PIK3CA: variants seen among roughly 807,000 people sequenced by gnomAD.
The protein encoded by PIK3CA is phosphatidylinositol-4,5-bisphosphate 3-kinase catalytic subunit alpha.
A neutral mutation model predicts 138.2 loss-of-function variants in PIK3CA; 27 were observed. That is an observed-to-expected ratio of 0.20 (90% CI 0.14 to 0.27). The LOEUF (loss-of-function observed/expected upper bound fraction) is 0.27. Ranked by LOEUF, PIK3CA falls within the 10% of genes least tolerant of loss-of-function variation. PIK3CA has a pLI of 1.00. For synonymous variants in PIK3CA, 358 were observed against 413.2 expected (o/e 0.87, Z 1.62); for missense variants, 544 against 1,277.4 (o/e 0.43, Z 8.75).
chr3:179,191,169 A>G (rs1215739003), intron 1 of PIK3CA, among the ~76,000 whole-genome samples: 1 of 152,214 alleles, frequency 6.6e-6, no homozygotes, highest in East Asian at 1.9e-4. Flanking sequence ...AGACAGAGGT[A>G]CAGGGGAATG....
chr3:179,219,529 C>G lies in PIK3CA; in HGVS notation c.1747-42C>G. On this transcript the variant is annotated intron_variant, in intron 11 of 20. Transcript: ENST00000263967. The surrounding 1 kb of genome is among the most constrained non-coding windows in gnomAD (Gnocchi z 4.2). ...TTTTAGATGGCTCATTCACAACTATCTTTCCCCTTTAAATATGATTTATTG... is the reference window on the plus strand; with the variant it reads ...TTTTAGATGGCTCATTCACAACTATGTTTCCCCTTTAAATATGATTTATTG... The G allele has an allele frequency of 3.1e-6, 3 of 975,224 alleles. No individual in the cohort carries two copies. Among genetic ancestry groups the G allele is most frequent in the East Asian group, 2.5e-5 (1 of 40,736 alleles). The allele number at this position is 975,224 out of a possible 1,614,324, so 60.4% of individuals were successfully genotyped here.
chr3:179,173,975 G>A (rs1395378390), intron 1 of PIK3CA, among the ~76,000 whole-genome samples: 6 of 151,652 alleles, frequency 4.0e-5, no homozygotes, highest in South Asian at 2.1e-4. Flanking sequence ...TGATCCACCC[G>A]CCTCGGCCTC....
Position 179,230,897 on chromosome 3 carries a change from G to C in PIK3CA, c.2936+521G>C, listed in dbSNP as rs1725195160. Among the ~76,000 whole-genome samples the C allele has an allele frequency of 6.6e-6, 1 of 152,136 alleles. No individual in the cohort carries two copies. Among genetic ancestry groups the C allele is most frequent in the Admixed American group, 6.5e-5 (1 of 15,272 alleles). On this transcript the variant is annotated intron_variant, in intron 20 of 20. Transcript: ENST00000263967. This position sits in a 1 kb window ranked among gnomAD's most constrained non-coding sequence, Gnocchi z 5.4. ...CATGGATGAATTAAATAGTGGTAAAGTCTGAGATTTTAGCGCACCTGTAAC... is the reference window on the plus strand; with the variant it reads ...CATGGATGAATTAAATAGTGGTAAACTCTGAGATTTTAGCGCACCTGTAAC...
chr3:179,166,177 G>T (rs1723414500), intron 1 of PIK3CA, among the ~76,000 whole-genome samples: 1 of 152,182 alleles, frequency 6.6e-6, no homozygotes, highest in Non-Finnish European at 1.5e-5. Context: ...CCCATTTTCA[G>T]TGAGGAAAAT....
chr3:179,240,092 TAC>T (rs1296650151), exon 21 of PIK3CA: 1 of 1,462,442 alleles, frequency 6.8e-7, no homozygotes, highest in East Asian at 2.5e-5. Context: ...AAAGAAAAAT[TAC>T]TTTTTGTGTC....
At chr3:179,211,712 A>G (rs187160731) in intron 9 of PIK3CA, among the ~76,000 whole-genome samples, 42 of 152,322 alleles carry the variant, frequency 2.8e-4, no homozygotes, top group Non-Finnish European at 5.3e-4. Flanking sequence ...GATCATCTCT[A>G]CATGAGTACT....
rs2108416831 is a variant in PIK3CA, at chr3:179,224,140, G to A, written c.2247G>A (p.Gln749=). 1.2e-6 allele frequency: 2 copies of A among 1,603,628 alleles called. No individual in the cohort carries two copies. Among genetic ancestry groups the A allele is most frequent in the South Asian group, 2.2e-5 (2 of 89,822 alleles). ...GACCAGATTTCATGGATGCTCTACA[G>A]GGCTTTCTGTCTCCTCTAAACCCTG... ...MRRPDFMDAL[Q]GFLSPLNPAH... The change falls in exon 15 of 21, where the codon CAG becomes CAA. Residue 749 remains glutamine, a synonymous_variant. Coordinates refer to ENST00000263967, the MANE Select transcript of PIK3CA (RefSeq NM_006218.4).
intron 1 of PIK3CA, among the ~76,000 whole-genome samples, chr3:179,164,044 G>A (rs996205809): frequency 6.6e-6 from 1 of 152,034 alleles, no homozygotes; most frequent in Admixed American, 6.5e-5. Flanking sequence ...AACATCTCCC[G>A]TGGAAATAGG....
At chr3:179,191,280 TAAAG>T (rs1473019396) in intron 1 of PIK3CA, among the ~76,000 whole-genome samples, 2 of 152,142 alleles carry the variant, frequency 1.3e-5, no homozygotes, top group Non-Finnish European at 1.5e-5. Flanking sequence ...CATGAGCAAA[TAAAG>T]AGATGTAACT....
At chr3:179,192,466 T>G (rs897768197) in intron 1 of PIK3CA, among the ~76,000 whole-genome samples, 2 of 152,236 alleles carry the variant, frequency 1.3e-5, no homozygotes, top group African/African-American at 4.8e-5. Context: ...AGATTTTAAC[T>G]TAAGGGCTTA....
chr3:179,204,047 G>A (rs1025912550), intron 5 of PIK3CA, among the ~76,000 whole-genome samples: 1 of 152,012 alleles, frequency 6.6e-6, no homozygotes, highest in Non-Finnish European at 1.5e-5. Flanking sequence ...TACAGAATTC[G>A]TTTGGCAGAA....
Position 179,198,725 on chromosome 3 carries a change from CAT to C in PIK3CA, c.-76-22_-76-21del, listed in dbSNP as rs538096802. 1.5e-4 allele frequency: 91 copies of C among 605,010 alleles called. No individual in the cohort carries two copies. The African/African-American group carries it at 1.5e-3, about 10-fold the overall frequency. 37.5% of individuals were successfully genotyped at this position (605,010 alleles called of 1,614,324 possible). ...TCTTCTGTAGTTGTGTCTCTTTTAA[CAT>C]ATGTTTTCCTTCTTTGATTTAGGTT... On this transcript the variant is annotated intron_variant, in intron 1 of 20. Coordinates refer to ENST00000263967, the MANE Select transcript of PIK3CA (RefSeq NM_006218.4).
intron 1 of PIK3CA, among the ~76,000 whole-genome samples, chr3:179,182,795 T>C (rs1723882392): frequency 6.6e-6 from 1 of 152,224 alleles, no homozygotes; most frequent in African/African-American, 2.4e-5. Context: ...ATTTCCAAGA[T>C]ACTTGGTACA....
At chr3:179,149,015 G>A (rs1199442937) in intron 1 of PIK3CA, among the ~76,000 whole-genome samples, 2 of 152,102 alleles carry the variant, frequency 1.3e-5, no homozygotes, top group African/African-American at 2.4e-5. Context: ...CAAGGGACGC[G>A]GGCGCGAAAC....
At chr3:179,209,035 A>G (rs1724640664) in intron 6 of PIK3CA, among the ~76,000 whole-genome samples, 1 of 147,882 alleles carries the variant, frequency 6.8e-6, no homozygotes, top group Non-Finnish European at 1.5e-5. Flanking sequence ...AGTATATTAT[A>G]TAATATATAT....
intron 1 of PIK3CA, among the ~76,000 whole-genome samples, chr3:179,182,602 T>C (rs1560131314): frequency 6.6e-6 from 1 of 151,968 alleles, no homozygotes; most frequent in African/African-American, 2.4e-5. Context: ...GAGCCTGGGG[T>C]TGGGGCTGTA....
intron 1 of PIK3CA, among the ~76,000 whole-genome samples, chr3:179,193,049 G>A (rs1724175768): frequency 1.3e-5 from 2 of 152,174 alleles, no homozygotes; most frequent in Non-Finnish European, 1.5e-5. Context: ...ACTTAACGTT[G>A]TTCTTAAAGG....
At chr3:179,226,908 T>C (rs1725095702) in intron 17 of PIK3CA, among the ~76,000 whole-genome samples, 1 of 152,100 alleles carries the variant, frequency 6.6e-6, no homozygotes, top group Admixed American at 6.6e-5. Flanking sequence ...CAAAAATGGT[T>C]AATGTTATAT....
Position 179,236,810 on chromosome 3 carries a change from A to G in PIK3CA, c.*2446A>G, listed in dbSNP as rs1426214554. 9.4e-6 allele frequency: 2 copies of G among 212,920 alleles called. No individual in the cohort carries two copies. The highest frequency in any genetic ancestry group is 4.5e-5 in the African/African-American group (2 of 44,244). 13.2% of individuals were successfully genotyped at this position (212,920 alleles called of 1,614,324 possible). On this transcript the variant is annotated 3_prime_UTR_variant, in exon 21 of 21. Transcript: ENST00000263967. ...GTGACCTAAGAAAGAAATGAGGCAA[A>G]GAACCAAACATTGAATTAAATGCTA...
Sources: allele counts gnomAD v4.1 joint callset (sites outside exome capture counted in the v4.1 genomes callset), GRCh38; gene constraint gnomAD v4.1.1; non-coding constraint Gnocchi (gnomAD v3.1); transcripts MANE v1.5; gene names NCBI Gene and HGNC (gene_info 2026-07-23, HGNC 2026-07-21).